GLI2: variants seen among roughly 807,000 people sequenced by gnomAD.
GLI2 encodes GLI family zinc finger 2.
GLI2 carries 22 observed loss-of-function variants against 78.9 expected under a neutral mutation model. That is an observed-to-expected ratio of 0.28 (90% CI 0.20 to 0.40). GLI2 has a LOEUF of 0.40. GLI2 is among the 10% of genes least tolerant of loss of function. The pLI is 1.00. For missense variants in GLI2, 2,097 were observed against 2,213.2 expected, an observed-to-expected ratio of 0.95 and a Z score of 1.05; for synonymous variants, 974 against 963.7, an observed-to-expected ratio of 1.01 and a Z score of -0.20.
At chr2:120,978,164 T>G (rs1014938981) in intron 9 of GLI2, among the ~76,000 whole-genome samples, 2 of 152,130 alleles carry the variant, frequency 1.3e-5, no homozygotes, top group Non-Finnish European at 2.9e-5. Context: ...CAGTAGGCCT[T>G]CATTTAAGGG....
intron 1 of GLI2, among the ~76,000 whole-genome samples, chr2:120,747,338 A>G (rs911055447): frequency 5.3e-5 from 8 of 152,218 alleles, no homozygotes; most frequent in African/African-American, 1.9e-4. Context: ...CTCAATTTGC[A>G]GATGGGTAAG....
At chr2:120,812,656 G>T (rs1424457762) in intron 2 of GLI2, among the ~76,000 whole-genome samples, 1 of 152,180 alleles carries the variant, frequency 6.6e-6, no homozygotes, top group Non-Finnish European at 1.5e-5. Flanking sequence ...GGAACCCATG[G>T]TCTCTGTCTG....
chr2:120,797,912 T>TTG (rs1684482202), intron 2 of GLI2, among the ~76,000 whole-genome samples: 2 of 152,188 alleles, frequency 1.3e-5, no homozygotes, highest in Non-Finnish European at 2.9e-5. Flanking sequence ...GGTTCGGGAT[T>TTG]TACTATCTTA....
rs148317983 is a variant in GLI2 at position 120,951,401 on chromosome 2, C to T, written c.413C>T (p.Thr138Met). The T allele has an allele frequency of 5.1e-5, 83 of 1,613,352 alleles. No homozygotes were observed. Among genetic ancestry groups the T allele is most frequent in the South Asian group, 1.5e-4 (14 of 91,076 alleles). The change falls in exon 4 of 14, where the codon ACG (threonine) becomes ATG (methionine). Residue 138 changes from threonine (T) to methionine (M), a missense_variant. Physicochemically the swap from Thr to Met is moderately conservative, Grantham distance 81. Transcript: ENST00000361492. ...CTCCGTTCTGTGCACAGCAGCCCCA[C>T]GCTCTCCATGATCTCTGCAGCCAGG... ...HYLRSVHSSPTLSMISAARGL... is the reference protein window; with the variant it reads ...HYLRSVHSSPMLSMISAARGL...
In GLI2 at chr2:120,979,970, G is replaced by A. The variant is rs138791165; in HGVS notation, c.1467+1387G>A. 3.5e-3 allele frequency among the ~76,000 whole-genome samples: 529 copies of A among 152,304 alleles called. 10 individuals carry two copies. The South Asian group carries it at 0.042, about 12-fold the overall frequency. On this transcript the variant is annotated intron_variant, in intron 10 of 13. Transcript: ENST00000361492. ...TTCACCTGCGTTGTAGCATGCACGCGTACTTTCTTTCTTTTTGTGGCTGCA... is the reference window on the plus strand; with the variant it reads ...TTCACCTGCGTTGTAGCATGCACGCATACTTTCTTTCTTTTTGTGGCTGCA...
chr2:120,746,721 T>C (rs1682703252), intron 1 of GLI2, among the ~76,000 whole-genome samples: 1 of 152,200 alleles, frequency 6.6e-6, no homozygotes, highest in Admixed American at 6.5e-5. Context: ...ATCTTAAAAC[T>C]AAGACATGCC....
At chr2:120,898,266 T>C (rs1268490475) in intron 2 of GLI2, among the ~76,000 whole-genome samples, 1 of 152,134 alleles carries the variant, frequency 6.6e-6, no homozygotes, top group Non-Finnish European at 1.5e-5. Context: ...TTTGGGATTA[T>C]ATTTTCCCCA....
intron 2 of GLI2, among the ~76,000 whole-genome samples, chr2:120,809,067 G>A (rs1203741417): frequency 6.6e-6 from 1 of 152,158 alleles, no homozygotes; most frequent in Non-Finnish European, 1.5e-5. Context: ...TTGTATATGG[G>A]TGTTTATAGC....
chr2:120,983,363 T>C (rs1243982822), intron 11 of GLI2, among the ~76,000 whole-genome samples: 2 of 152,174 alleles, frequency 1.3e-5, no homozygotes, highest in South Asian at 2.1e-4. Flanking sequence ...AGAGCAGTGA[T>C]GATCCCTCTG....
chr2:120,955,957 G>A (rs1681241234), intron 5 of GLI2, among the ~76,000 whole-genome samples: 1 of 152,140 alleles, frequency 6.6e-6, no homozygotes, highest in South Asian at 2.1e-4. Context: ...AGGGGTGGGA[G>A]TGGGGGTGAG....
At chr2:120,794,124 C>T (rs375621340) in intron 1 of GLI2, among the ~76,000 whole-genome samples, 25 of 152,218 alleles carry the variant, frequency 1.6e-4, no homozygotes, top group African/African-American at 4.6e-4. Flanking sequence ...GAATGTAATA[C>T]GGGGGTGTTG....
chr2:120,951,572 C>G (rs1316777384), intron 4 of GLI2, 127 bp downstream of exon 4: 3 of 624,644 alleles, frequency 4.8e-6, no homozygotes, highest in Non-Finnish European at 8.5e-6. Context: ...GGCTGGCTGG[C>G]GTTCCTTCAC....
chr2:120,956,418 C>T (rs1027007965), intron 5 of GLI2, among the ~76,000 whole-genome samples: 2 of 152,118 alleles, frequency 1.3e-5, no homozygotes, highest in African/African-American at 2.4e-5. Flanking sequence ...ATGCCATCCT[C>T]ACAGCTGCTT....
chr2:120,750,096 C>T (rs771661378), intron 1 of GLI2, among the ~76,000 whole-genome samples: 18 of 152,250 alleles, frequency 1.2e-4, no homozygotes, highest in Admixed American at 6.5e-4. Flanking sequence ...GAGGGCAGGG[C>T]GCAGGCTTTG....
intron 9 of GLI2, among the ~76,000 whole-genome samples, 197 bp downstream of exon 9, chr2:120,975,306 C>T (rs113084357): frequency 9.7e-4 from 147 of 152,272 alleles, no homozygotes; most frequent in African/African-American, 3.5e-3. Context: ...GCTTCCAATA[C>T]ATATGTAATA....
chr2:120,830,813 T>C (rs1011790122), intron 2 of GLI2, among the ~76,000 whole-genome samples: 15 of 152,196 alleles, frequency 9.9e-5, no homozygotes, highest in African/African-American at 3.4e-4. Context: ...TCTGGTTCTC[T>C]CTGTCCTTCT....
At position 120,797,472 on chromosome 2, in the gene GLI2, CTTTCTGTT is replaced by C. The variant is rs753233853; in HGVS notation, c.148+6_148+13del. The C allele has an allele frequency of 6.2e-7, 1 of 1,613,422 alleles. No homozygotes were observed. The highest frequency in any genetic ancestry group is 2.2e-5 in the East Asian group (1 of 44,876). On this transcript the variant is annotated splice_donor_5th_base_variant and intron_variant, in intron 2 of 13. Transcript: ENST00000361492. ...GCAGCGGTAGCTGCCCAAGGAGGTA[CTTTCTGTT>C]TCGCACACTTGGAGGGCAGCAGGGG...
chr2:120,989,326 A>T lies in GLI2; in HGVS notation c.3361A>T (p.Asn1121Tyr). 1 of 1,613,030 alleles carries T rather than the reference A, an allele frequency of 6.2e-7. No individual in the cohort carries two copies. The highest frequency in any genetic ancestry group is 2.2e-5 in the East Asian group (1 of 44,864). Residue 1121 changes from asparagine to tyrosine, a missense_variant, in exon 14 of 14, where the codon AAC (asparagine) becomes TAC (tyrosine). Asn to Tyr is a moderately radical substitution (Grantham distance 143). Transcript: ENST00000361492. ...AGGCTTTGGGGCGCCCTCCAGCCTG[A>T]ACAAAAATAACATGCCTGTGCAGTG... ...QLGFGAPSSL[N>Y]KNNMPVQWNE...
At chr2:120,874,712 C>G (rs1192171866) in intron 2 of GLI2, among the ~76,000 whole-genome samples, 1 of 152,226 alleles carries the variant, frequency 6.6e-6, no homozygotes, top group African/African-American at 2.4e-5. Context: ...GCAGGCAGCT[C>G]AGAAAGACGC....
Sources: gnomAD v4.1 joint callset for allele counts (sites outside exome capture counted in the v4.1 genomes callset) on GRCh38, gnomAD v4.1.1 for gene constraint, MANE v1.5 for transcripts, NCBI Gene and HGNC (gene_info 2026-07-23, HGNC 2026-07-21) for gene names.